RUNDC3B: variants seen among roughly 807,000 people sequenced by gnomAD.
RUNDC3B encodes the protein RUN domain containing 3B.
RUNDC3B carries 33 observed loss-of-function variants against 58.4 expected under a neutral mutation model. The observed-to-expected ratio is 0.56, with a 90% confidence interval of 0.43 to 0.75. The LOEUF is 0.75. Ranked by LOEUF, RUNDC3B falls within the 30% of genes least tolerant of loss-of-function variation. The pLI, the probability that RUNDC3B is intolerant of heterozygous loss-of-function variation, is 0.00. For missense variants in RUNDC3B, 501 were observed against 535.7 expected (o/e 0.94, Z 0.64); for synonymous variants, 193 against 195.2 (o/e 0.99, Z 0.10).
intron 2 of RUNDC3B, among the ~76,000 whole-genome samples, chr7:87,690,541 A>G (rs750701876): frequency 6.6e-5 from 10 of 152,188 alleles, no homozygotes; most frequent in Non-Finnish European, 1.5e-4. Flanking sequence ...AAAGTTATAT[A>G]TAGTACTACA....
intron 4 of RUNDC3B, among the ~76,000 whole-genome samples, chr7:87,726,927 A>C (rs1180831919): frequency 6.6e-6 from 1 of 152,086 alleles, no homozygotes; most frequent in African/African-American, 2.4e-5. Context: ...TGATTTTTGC[A>C]CATTGATTTT....
Position 87,721,773 on chromosome 7 carries a change from T to TTC in RUNDC3B, c.458+11136_458+11137dup, listed in dbSNP as rs374594143. Among the ~76,000 whole-genome samples, 52 of 148,770 alleles carry TTC rather than the reference T, an allele frequency of 3.5e-4. 1 individual carries two copies. Among genetic ancestry groups the TTC allele is most frequent in the South Asian group, 2.4e-3 (11 of 4,678 alleles). ...TTATGCTCCTATTCTAACATTCTCT[T>TTC]TCTCTCTCTCTCTCTCTCTGTCTCT... On this transcript the variant is annotated intron_variant, in intron 4 of 10. Coordinates refer to ENST00000394654, the MANE Select transcript of RUNDC3B (RefSeq NM_001134405.2).
intron 10 of RUNDC3B, among the ~76,000 whole-genome samples, chr7:87,823,412 AT>A (rs5885603): frequency 9.9e-5 from 15 of 151,024 alleles, no homozygotes; most frequent in South Asian, 2.1e-4. Context: ...TTTTATTTTT[AT>A]TTTTTTTAAT....
intron 2 of RUNDC3B, among the ~76,000 whole-genome samples, chr7:87,662,584 C>T (rs959706443): frequency 2.6e-5 from 4 of 151,892 alleles, no homozygotes; most frequent in African/African-American, 9.7e-5. Flanking sequence ...TTTATGTCTG[C>T]ATTCTCTATT....
In RUNDC3B at chr7:87,707,534, TGTG is replaced by T. The variant is rs566901130; in HGVS notation, c.373-3031_373-3029del. On this transcript the variant is annotated intron_variant, in intron 3 of 10. Coordinates refer to ENST00000394654, the MANE Select transcript of RUNDC3B (RefSeq NM_001134405.2). ...ACAAAAAATACAAAAATTAGCCAGG[TGTG>T]GTGGCACGCACCTGTAGCCCCAGCT... Among the ~76,000 whole-genome samples, 32 of 151,966 alleles carry T rather than the reference TGTG, an allele frequency of 2.1e-4. No individual in the cohort carries two copies. In the East Asian group the frequency reaches 6.0e-3, roughly 29 times the overall value.
rs550095418 is a variant in RUNDC3B, at chr7:87,777,678, G to T, written c.799-120G>T. On this transcript the variant is annotated intron_variant, in intron 7 of 10. Transcript: ENST00000394654. ...AATTTTTTACTAATTTATCAGTAAT[G>T]CTTTGAAATTGTTTCATTACAATAT... 371 of 702,324 alleles carry T rather than the reference G, an allele frequency of 5.3e-4. 5 individuals are homozygous for T. The highest frequency in any genetic ancestry group is 7.8e-4 in the Non-Finnish European group (339 of 436,230). The allele number at this position is 702,324 out of a possible 1,614,324, so 43.5% of individuals were successfully genotyped here.
chr7:87,633,779 A>G (rs140163338), intron 1 of RUNDC3B, among the ~76,000 whole-genome samples: 12 of 152,244 alleles, frequency 7.9e-5, no homozygotes, highest in African/African-American at 2.2e-4. Flanking sequence ...TGTCTAGTCT[A>G]TGCTTGAACT....
intron 8 of RUNDC3B, among the ~76,000 whole-genome samples, chr7:87,803,874 C>T (rs2130928429): frequency 6.6e-6 from 1 of 151,978 alleles, no homozygotes. Flanking sequence ...AGCAAGAATC[C>T]ATATAAGGCC....
intron 3 of RUNDC3B, among the ~76,000 whole-genome samples, chr7:87,705,018 C>A (rs556891269): frequency 1.1e-4 from 17 of 152,202 alleles, no homozygotes; most frequent in Non-Finnish European, 2.4e-4. Context: ...GAACAGTATA[C>A]AGTATACAAG....
At chr7:87,789,043 G>C (rs1835385472) in intron 8 of RUNDC3B, among the ~76,000 whole-genome samples, 1 of 152,144 alleles carries the variant, frequency 6.6e-6, no homozygotes, top group East Asian at 1.9e-4. Flanking sequence ...ATATATAAGA[G>C]AGGGGTTTTG....
intron 2 of RUNDC3B, among the ~76,000 whole-genome samples, chr7:87,698,736 C>T (rs972119808): frequency 3.9e-5 from 6 of 152,090 alleles, no homozygotes; most frequent in African/African-American, 1.4e-4. Flanking sequence ...GACAAAATTC[C>T]TGCCTTAGTG....
intron 6 of RUNDC3B, among the ~76,000 whole-genome samples, chr7:87,767,818 A>G (rs1416986785): frequency 2.0e-5 from 3 of 152,164 alleles, no homozygotes; most frequent in South Asian, 2.1e-4. Flanking sequence ...GCAGGTAGGA[A>G]TGCAATCAGC....
intron 6 of RUNDC3B, among the ~76,000 whole-genome samples, chr7:87,752,370 C>G (rs1436549238): frequency 6.6e-6 from 1 of 152,098 alleles, no homozygotes; most frequent in Non-Finnish European, 1.5e-5. Context: ...GCTTTGGTAT[C>G]AGGATGATGC....
At chr7:87,706,102 T>C (rs762836917) in intron 3 of RUNDC3B, among the ~76,000 whole-genome samples, 13 of 152,212 alleles carry the variant, frequency 8.5e-5, no homozygotes, top group Admixed American at 3.9e-4. Flanking sequence ...CATTCCTTCA[T>C]TGTTTAATTA....
intron 1 of RUNDC3B, among the ~76,000 whole-genome samples, chr7:87,638,381 T>G (rs1262273908): frequency 9.1e-6 from 1 of 109,908 alleles, no homozygotes; most frequent in Non-Finnish European, 1.9e-5. Flanking sequence ...GTGTGTGTGT[T>G]TCCTCCCCTG....
At chr7:87,774,745 T>C (rs754019607) in intron 7 of RUNDC3B, among the ~76,000 whole-genome samples, 1 of 152,158 alleles carries the variant, frequency 6.6e-6, no homozygotes, top group Non-Finnish European at 1.5e-5. Flanking sequence ...CTACCAAATA[T>C]AGTCATGCAC....
chr7:87,752,238 G>T (rs1256561573), intron 6 of RUNDC3B, among the ~76,000 whole-genome samples: 3 of 152,134 alleles, frequency 2.0e-5, no homozygotes, highest in Non-Finnish European at 1.5e-5. Context: ...CTTGATCATG[G>T]TGGATAAGCT....
chr7:87,820,724 C>A (rs1837371192), intron 10 of RUNDC3B, among the ~76,000 whole-genome samples: 2 of 151,992 alleles, frequency 1.3e-5, no homozygotes, highest in East Asian at 1.9e-4. Flanking sequence ...GGATGCAAGG[C>A]TGGTTCAACA....
At chr7:87,730,262 A>T (rs1831500059) in intron 4 of RUNDC3B, among the ~76,000 whole-genome samples, 1 of 152,154 alleles carries the variant, frequency 6.6e-6, no homozygotes, top group Non-Finnish European at 1.5e-5. Context: ...AGTGATGTAG[A>T]GAAACAAGTA....
Sources: allele counts gnomAD v4.1 joint callset (sites outside exome capture counted in the v4.1 genomes callset), GRCh38; gene constraint gnomAD v4.1.1; transcripts MANE v1.5; gene names NCBI Gene and HGNC (gene_info 2026-07-23, HGNC 2026-07-21).